RUSF1: variants seen among roughly 807,000 people sequenced by gnomAD.
The protein encoded by RUSF1 is RUS family member 1.
RUSF1 carries 58 observed loss-of-function variants against 63.0 expected under a neutral mutation model. The ratio of observed to expected loss-of-function variants is 0.92; its 90% CI spans 0.75 to 1.15. The LOEUF is 1.15. RUSF1 is among the 50% of genes most tolerant of loss of function. The pLI is 0.00. For missense variants in RUSF1, 652 were observed against 611.0 expected (o/e 1.07, Z -0.71); for synonymous variants, 274 against 255.8 (o/e 1.07, Z -0.68).
At chr16:31,492,429 C>T (rs1567394645) in intron 10 of RUSF1, 89 bp from the exon 11 acceptor site, 19 of 1,430,008 alleles carry the variant, frequency 1.3e-5, no homozygotes, top group East Asian at 1.2e-4. Context: ...CTGTCTGCCC[C>T]AAGACCTTGG....
intron 12 of RUSF1, 76 bp downstream of exon 12, chr16:31,491,933 G>A: frequency 4.8e-6 from 7 of 1,454,466 alleles, no homozygotes; most frequent in Non-Finnish European, 6.7e-6. Context: ...CAGGTGAAAG[G>A]GTGGGAGTGG....
intron 2 of RUSF1, among the ~76,000 whole-genome samples, chr16:31,504,198 CCTTT>C (rs539373659): frequency 3.6e-3 from 542 of 152,214 alleles, no homozygotes; most frequent in Non-Finnish European, 6.9e-3. Flanking sequence ...CGGCACCTGG[CCTTT>C]CTTTTTTTTT....
rs865940418 is a variant in RUSF1 at position 31,507,809 on chromosome 16, C to T, written c.370G>A (p.Ala124Thr). 6.3e-7 allele frequency: 1 copy of T among 1,578,730 alleles called. No individual in the cohort carries two copies. The highest frequency in any genetic ancestry group is 1.8e-5 in the Admixed American group (1 of 55,222). ...AVLLGIGVGNAKATVSAATAT... is the reference protein window; with the variant it reads ...AVLLGIGVGNTKATVSAATAT... ...GTGGCAGCTGAAACAGTGGCTTTTG[C>T]GTTCCCCACCCCTATGCCCAGCAAG... Residue 124 changes from alanine to threonine, a missense_variant, in exon 2 of 13, where the codon GCA becomes ACA. Transcript: ENST00000327237.
At chr16:31,503,292 C>T (rs531307963) in intron 2 of RUSF1, among the ~76,000 whole-genome samples, 8 of 152,134 alleles carry the variant, frequency 5.3e-5, no homozygotes, top group African/African-American at 1.7e-4. Flanking sequence ...CTGCCTAGGT[C>T]AAAATCATGG....
rs1162874051 is a variant in RUSF1 at position 31,490,337 on chromosome 16, C to G, written c.*498G>C. 1.9e-6 allele frequency: 3 copies of G among 1,612,480 alleles called. No homozygotes were observed. Among genetic ancestry groups the G allele is most frequent in the Non-Finnish European group, 1.7e-6 (2 of 1,179,472 alleles). On this transcript the variant is annotated 3_prime_UTR_variant, in exon 13 of 13. Transcript: ENST00000327237. The stretch of plus-strand genomic sequence containing the variant: ...CCCAGGCCCCGGCACCAAGCCTCTT[C>G]CGCCAGTGCCTGCTCTGGTTTTGTG...
At chr16:31,493,815 G>A (rs746534105) in intron 7 of RUSF1, 28 bp from the exon 8 acceptor site, 36 of 1,614,094 alleles carry the variant, frequency 2.2e-5, no homozygotes, top group Non-Finnish European at 3.1e-5. Flanking sequence ...GGTAGCTGAA[G>A]TGGGCAGAGG....
intron 12 of RUSF1, among the ~76,000 whole-genome samples, chr16:31,491,135 C>G (rs1171718863): frequency 6.6e-6 from 1 of 152,140 alleles, no homozygotes; most frequent in Non-Finnish European, 1.5e-5. Context: ...ATGGAACAGG[C>G]GCCAGACAAA....
intron 2 of RUSF1, among the ~76,000 whole-genome samples, chr16:31,503,746 T>C (rs946831346): frequency 6.6e-6 from 1 of 152,194 alleles, no homozygotes; most frequent in Non-Finnish European, 1.5e-5. Flanking sequence ...CACCACAACC[T>C]CCGCCTACTA....
intron 3 of RUSF1, 148 bp downstream of exon 3, chr16:31,500,538 A>AT (rs1156727574): frequency 2.0e-6 from 2 of 1,006,138 alleles, no homozygotes; most frequent in Admixed American, 5.6e-5. Context: ...TTACTGAGCC[A>AT]TTATGTACGA....
intron 2 of RUSF1, among the ~76,000 whole-genome samples, chr16:31,507,428 T>C (rs2082665521): frequency 6.6e-6 from 1 of 152,192 alleles, no homozygotes; most frequent in Admixed American, 6.5e-5. Context: ...TCCCCTATCC[T>C]GGGCAGCTGG....
Position 31,492,279 on chromosome 16 carries a change from T to G in RUSF1, c.1149A>C (p.Thr383=). The G allele has an allele frequency of 1.2e-6, 2 of 1,612,816 alleles. No individual in the cohort carries two copies. The highest frequency in any genetic ancestry group is 2.2e-5 in the South Asian group (2 of 90,924). ...GCAGGGCCCCAAGCATCAGCCCATG[T>G]GTGGCGGCCCTTAGGATGGTCTTGG... ...AGPKTILRAA[T]HGLMLGALQG... The change falls in exon 11 of 13, where the codon ACA becomes ACC. Residue 383 remains threonine (T), a synonymous_variant. Coordinates refer to ENST00000327237, the MANE Select transcript of RUSF1 (RefSeq NM_022744.4).
chr16:31,495,836 A>T (rs553299852), intron 6 of RUSF1, among the ~76,000 whole-genome samples: 12 of 152,152 alleles, frequency 7.9e-5, no homozygotes, highest in Non-Finnish European at 1.6e-4. Context: ...CCACTGTGAG[A>T]ATTTAAAGAG....
chr16:31,490,707 A>T lies in RUSF1; in HGVS notation c.*128T>A. 1 of 1,197,650 alleles carries T rather than the reference A, an allele frequency of 8.3e-7. No homozygotes were observed. The highest frequency in any genetic ancestry group is 1.2e-6 in the Non-Finnish European group (1 of 819,058). The allele number at this position is 1,197,650 out of a possible 1,614,324, so 74.2% of individuals were successfully genotyped here. ...TGCATCTGATTGGCAGTCACTTCCC[A>T]TGAGGGCCTGGCCCACCCGCTGCAG... On this transcript the variant is annotated 3_prime_UTR_variant, in exon 13 of 13. Coordinates refer to ENST00000327237, the MANE Select transcript of RUSF1 (RefSeq NM_022744.4).
intron 6 of RUSF1, among the ~76,000 whole-genome samples, chr16:31,494,712 C>CTT (rs79017975): frequency 2.1e-5 from 3 of 142,790 alleles, no homozygotes; most frequent in African/African-American, 7.7e-5. Context: ...CTAATGTGTA[C>CTT]TTTTTTTTTT....
intron 6 of RUSF1, among the ~76,000 whole-genome samples, chr16:31,495,537 G>A (rs1401789310): frequency 6.6e-6 from 1 of 152,132 alleles, no homozygotes; most frequent in Non-Finnish European, 1.5e-5. Context: ...GAAGCCCTGG[G>A]GTCTTGGGAA....
At chr16:31,497,519 TACAG>T (rs1272106440) in intron 5 of RUSF1, among the ~76,000 whole-genome samples, 1 of 152,194 alleles carries the variant, frequency 6.6e-6, no homozygotes, top group Non-Finnish European at 1.5e-5. Context: ...AGTTTTTGAA[TACAG>T]ACAGAGTCTC....
chr16:31,496,613 T>G (rs1417046216), intron 6 of RUSF1, among the ~76,000 whole-genome samples: 1 of 152,168 alleles, frequency 6.6e-6, no homozygotes, highest in African/African-American at 2.4e-5. Context: ...CGGTGGGGTC[T>G]GAAGAGGGCA....
At position 31,508,317 on chromosome 16, in the gene RUSF1, C is replaced by T. The variant is rs1174988868; in HGVS notation, c.57G>A (p.Gly19=). 2.5e-6 allele frequency: 4 copies of T among 1,578,338 alleles called. No individual in the cohort carries two copies. Among genetic ancestry groups the T allele is most frequent in the Admixed American group, 1.8e-5 (1 of 55,028 alleles). ...CGGCGGCGCGGCAGCCCCGTGCCTC[C>T]CCGGAGCCGAACTGCTCGGAACACA... ...TPLCSEQFGS[G]EARGCRAAAD... is the part of the protein sequence containing the mutation. The change falls in exon 1 of 13, where the codon GGG becomes GGA. Residue 19 remains glycine, a synonymous_variant. Transcript: ENST00000327237.
intron 2 of RUSF1, among the ~76,000 whole-genome samples, chr16:31,505,660 CA>C (rs1388399328): frequency 2.0e-5 from 3 of 152,104 alleles, no homozygotes; most frequent in African/African-American, 7.2e-5. Context: ...GGCACTAGAG[CA>C]GCATACATTC....
Sources: allele counts gnomAD v4.1 joint callset (sites outside exome capture counted in the v4.1 genomes callset), GRCh38; gene constraint gnomAD v4.1.1; transcripts MANE v1.5; gene names NCBI Gene and HGNC (gene_info 2026-07-23, HGNC 2026-07-21).